ADGRV1: variants seen among roughly 807,000 people sequenced by gnomAD.
ADGRV1 encodes the protein G-protein coupled receptor 98.
Under a neutral mutation model 596.2 loss-of-function variants are expected in ADGRV1, and 359 were observed. The ratio of observed to expected loss-of-function variants is 0.60; its 90% CI spans 0.55 to 0.66. The LOEUF (loss-of-function observed/expected upper bound fraction) is 0.66. Ranked by LOEUF, ADGRV1 falls within the 30% of genes least tolerant of loss-of-function variation. The probability of loss-of-function intolerance (pLI) is 0.00; values close to 1 mark genes in which losing one functional copy is unlikely to be tolerated. For missense variants in ADGRV1, 7,274 were observed against 7,575.6 expected (o/e 0.96, Z 1.48); for synonymous variants, 2,681 against 2,679.2 (o/e 1.00, Z -0.02).
At chr5:90,992,807 C>T (rs1002693485) in intron 85 of ADGRV1, among the ~76,000 whole-genome samples, 16 of 152,144 alleles carry the variant, frequency 1.1e-4, no homozygotes, top group Admixed American at 2.0e-4. Context: ...GTTTTTCATG[C>T]AACATCTCTT....
chr5:90,572,902 C>T (rs1384482745), intron 1 of ADGRV1, among the ~76,000 whole-genome samples: 1 of 152,064 alleles, frequency 6.6e-6, no homozygotes, highest in African/African-American at 2.4e-5. Context: ...TCCTCACCTA[C>T]CAGGAAGGGT....
intron 82 of ADGRV1, among the ~76,000 whole-genome samples, chr5:90,861,455 G>A (rs1202824202): frequency 1.3e-5 from 2 of 151,898 alleles, no homozygotes; most frequent in Non-Finnish European, 2.9e-5. Flanking sequence ...GACTACAGGT[G>A]CGTGCCACCA....
At chr5:91,116,530 T>A (rs1458048818) in intron 87 of ADGRV1, among the ~76,000 whole-genome samples, 1 of 152,234 alleles carries the variant, frequency 6.6e-6, no homozygotes, top group African/African-American at 2.4e-5. Flanking sequence ...AGTGTATCAT[T>A]GAAATCAGTT....
intron 83 of ADGRV1, among the ~76,000 whole-genome samples, chr5:90,892,427 G>A (rs1388133907): frequency 3.3e-5 from 5 of 151,834 alleles, no homozygotes; most frequent in African/African-American, 9.7e-5. Flanking sequence ...TTCAGGCCTG[G>A]CAATTTGAAA....
chr5:90,930,003 A>G (rs144095589), intron 83 of ADGRV1, among the ~76,000 whole-genome samples: 1 of 152,308 alleles, frequency 6.6e-6, no homozygotes, highest in East Asian at 1.9e-4. Context: ...AGGCCAGTCT[A>G]TATTTAAAAT....
intron 5 of ADGRV1, among the ~76,000 whole-genome samples, chr5:90,623,580 T>C (rs1764365244): frequency 6.6e-6 from 1 of 152,018 alleles, no homozygotes; most frequent in Non-Finnish European, 1.5e-5. Context: ...CCCAGCTAAG[T>C]TTTAATGTTT....
chr5:90,714,146 C>A (rs1284946607), intron 42 of ADGRV1, among the ~76,000 whole-genome samples: 3 of 152,088 alleles, frequency 2.0e-5, no homozygotes, highest in Admixed American at 6.5e-5. Flanking sequence ...CATATCCTTA[C>A]CAGCAATTTC....
In ADGRV1 at chr5:90,725,499, T is replaced by G. The variant is rs764288991; in HGVS notation, c.10054-50T>G. 18 of 1,014,476 alleles carry G rather than the reference T, an allele frequency of 1.8e-5. No individual in the cohort carries two copies. The Admixed American group carries it at 3.2e-4, about 18-fold the overall frequency. The allele number at this position is 1,014,476 out of a possible 1,614,324, so 62.8% of individuals were successfully genotyped here. ...CATGCTATTAGTGTGTTCAGTGGCT[T>G]TCTTAGTTCAACTCTCCTTTAAGTT... On this transcript the variant is annotated intron_variant, in intron 47 of 89. Coordinates refer to ENST00000405460, the MANE Select transcript of ADGRV1 (RefSeq NM_032119.4).
chr5:91,038,396 G>A (rs749285204), intron 85 of ADGRV1, among the ~76,000 whole-genome samples: 31 of 152,164 alleles, frequency 2.0e-4, no homozygotes, highest in Non-Finnish European at 3.5e-4. Context: ...TGTTGTAGGG[G>A]AAGGGTGAAT....
intron 1 of ADGRV1, among the ~76,000 whole-genome samples, chr5:90,598,268 A>G (rs1020905431): frequency 8.5e-5 from 13 of 152,220 alleles, no homozygotes; most frequent in Non-Finnish European, 1.8e-4. Context: ...TTGAATGATG[A>G]ATGAATGTTA....
intron 1 of ADGRV1, among the ~76,000 whole-genome samples, chr5:90,604,581 G>T (rs1207111586): frequency 6.6e-6 from 1 of 152,124 alleles, no homozygotes; most frequent in Non-Finnish European, 1.5e-5. Flanking sequence ...ACGTTTGTTT[G>T]AGAAGAGTTA....
At chr5:91,084,743 G>A (rs1789712226) in intron 86 of ADGRV1, among the ~76,000 whole-genome samples, 1 of 152,122 alleles carries the variant, frequency 6.6e-6, no homozygotes, top group Non-Finnish European at 1.5e-5. Context: ...ATACCCGAAG[G>A]ATTATAAATC....
Position 90,694,384 on chromosome 5 carries a change from T to C in ADGRV1, c.7628T>C (p.Leu2543Pro). The C allele has an allele frequency of 1.2e-6, 2 of 1,613,974 alleles. No homozygotes were observed. Among genetic ancestry groups the C allele is most frequent in the Non-Finnish European group, 8.5e-7 (1 of 1,179,872 alleles). Residue 2543 changes from leucine (L) to proline (P), a missense_variant, in exon 33 of 90, where the codon CTT becomes CCT. By Grantham distance (98) the Leu-to-Pro change is moderately conservative. Around this residue, in one of 5 missense-constraint regions of ADGRV1, gnomAD observed 3,643 missense variants for 3,809.2 expected, o/e 0.96. Coordinates refer to ENST00000405460, the MANE Select transcript of ADGRV1 (RefSeq NM_032119.4). ...GATGAGAGTTTTCTAATTTCTCTCC[T>C]TGAAGTTCACCTCATGAACATTTCA... ...EMDESFLISLLEVHLMNISAS... is the reference protein window; with the variant it reads ...EMDESFLISLPEVHLMNISAS...
In ADGRV1 at chr5:90,765,696, CT is replaced by C. The variant is rs919795870; in HGVS notation, c.12285+2236del. ...AGATTATTGTTACCTATGTCAAATT[CT>C]TTTTTTTTGTTTGTTTGTTTTTGGA... On this transcript the variant is annotated intron_variant, in intron 59 of 89. Transcript: ENST00000405460. Among the ~76,000 whole-genome samples the C allele has an allele frequency of 6.7e-5, 10 of 150,306 alleles. No homozygotes were observed. The South Asian group carries it at 1.3e-3, about 19-fold the overall frequency.
chr5:90,693,812 A>G, intron 32 of ADGRV1, 78 bp from the exon 33 acceptor site: 1 of 1,089,064 alleles, frequency 9.2e-7, no homozygotes, highest in African/African-American at 1.6e-5. Context: ...ACTAAAGACC[A>G]CAGTCAGCAT....
Position 90,596,247 on chromosome 5 carries a change from G to C in ADGRV1, c.23-18588G>C, listed in dbSNP as rs1468478366. On this transcript the variant is annotated intron_variant, in intron 1 of 89. Transcript: ENST00000405460. ...TAGATGTGATGGCGGCCGGGAAGAG[G>C]CGCTCCTCACTTCCCAGATAGGATG... 5.4e-5 allele frequency among the ~76,000 whole-genome samples: 8 copies of C among 149,038 alleles called. No homozygotes were observed. In the East Asian group the frequency reaches 1.4e-3, roughly 26 times the overall value.
intron 21 of ADGRV1, among the ~76,000 whole-genome samples, chr5:90,668,922 T>C (rs1772014597): frequency 6.6e-6 from 1 of 152,228 alleles, no homozygotes; most frequent in African/African-American, 2.4e-5. Flanking sequence ...TGCTATGTGC[T>C]AATGCTTACT....
chr5:91,032,284 G>A lies in ADGRV1; in HGVS notation c.18153-40163G>A, dbSNP rs1286155899. Among the ~76,000 whole-genome samples, 4 of 152,198 alleles carry A rather than the reference G, an allele frequency of 2.6e-5. 1 individual carries two copies. The South Asian group carries it at 6.2e-4, about 24-fold the overall frequency. On this transcript the variant is annotated intron_variant, in intron 85 of 89. Transcript: ENST00000405460. ...AAGTCAGAATAGATAAGGATAGTGAGTCTGAGTTTAAGAAGGCTGTGGGAG... is the reference window on the plus strand; with the variant it reads ...AAGTCAGAATAGATAAGGATAGTGAATCTGAGTTTAAGAAGGCTGTGGGAG...
At position 90,706,315 on chromosome 5, in the gene ADGRV1, T is replaced by C. The variant is rs111033517; in HGVS notation, c.8651T>C (p.Val2884Ala). The change falls in exon 38 of 90, where the codon GTT becomes GCT. Residue 2884 changes from valine (V) to alanine (A), a missense_variant. By Grantham distance (64) the Val-to-Ala change is moderately conservative. Transcript: ENST00000405460. Reference sequence around the variant, plus strand: ...GTAGGAAACCTAGCAGAGCCAGAAGTTGATTTTGTCCCTATCATTGGCTTT... The same window carrying C: ...GTAGGAAACCTAGCAGAGCCAGAAGCTGATTTTGTCCCTATCATTGGCTTT... ...QTVGNLAEPE[V>A]DFVPIIGFLI... 1.3e-4 allele frequency: 211 copies of C among 1,613,334 alleles called. No individual in the cohort carries two copies. The highest frequency in any genetic ancestry group is 1.6e-4 in the Middle Eastern group (1 of 6,082).
Sources: allele counts gnomAD v4.1 joint callset (sites outside exome capture counted in the v4.1 genomes callset), GRCh38; gene constraint gnomAD v4.1.1; regional missense constraint gnomAD v4.1.1; transcripts MANE v1.5; gene names NCBI Gene and HGNC (gene_info 2026-07-23, HGNC 2026-07-21).